Variants in IGSF21 observed in about 807,000 individuals in gnomAD.
IGSF21 encodes immunoglobin superfamily member 21.
Under a neutral mutation model 46.8 loss-of-function variants are expected in IGSF21, and 28 were observed. The ratio of observed to expected loss-of-function variants is 0.60; its 90% CI spans 0.44 to 0.82. IGSF21 has a LOEUF of 0.82. Among genes scored for constraint, IGSF21 ranks in the 40% least tolerant of loss-of-function variants. IGSF21 has a pLI of 0.00. For synonymous variants in IGSF21, 284 were observed against 273.6 expected, an observed-to-expected ratio of 1.04 and a Z score of -0.38; for missense variants, 624 against 665.5, an observed-to-expected ratio of 0.94 and a Z score of 0.69.
rs555508537 is a variant in IGSF21 at position 18,288,676 on chromosome 1, T to C, written c.184-3190T>C. ...ACCAGGAACCACAGAATAACATCCTTGCAAATAGCTGCTAGCCCGCTGGCC... is the reference window on the plus strand; with the variant it reads ...ACCAGGAACCACAGAATAACATCCTCGCAAATAGCTGCTAGCCCGCTGGCC... On this transcript the variant is annotated intron_variant, in intron 2 of 9. Transcript: ENST00000251296. Among the ~76,000 whole-genome samples, 3 of 152,268 alleles carry C rather than the reference T, an allele frequency of 2.0e-5. No homozygotes were observed. In the South Asian group the frequency reaches 6.2e-4, roughly 32 times the overall value.
At chr1:18,136,702 C>G (rs1289812405) in intron 1 of IGSF21, among the ~76,000 whole-genome samples, 1 of 151,892 alleles carries the variant, frequency 6.6e-6, no homozygotes, top group Non-Finnish European at 1.5e-5. Context: ...ATGCCTCCAG[C>G]TTTGTTCTTT....
At chr1:18,206,169 C>T (rs2084319695) in intron 1 of IGSF21, among the ~76,000 whole-genome samples, 1 of 152,174 alleles carries the variant, frequency 6.6e-6, no homozygotes, top group South Asian at 2.1e-4. Flanking sequence ...GCATTTGAGA[C>T]TGGGTAGTCA....
At chr1:18,134,253 T>A (rs547200468) in intron 1 of IGSF21, among the ~76,000 whole-genome samples, 3 of 152,134 alleles carry the variant, frequency 2.0e-5, no homozygotes, top group Non-Finnish European at 4.4e-5. Context: ...GCATTTTTGC[T>A]GTTTAGAGGT....
At chr1:18,359,291 A>AG (rs1328363951) in intron 4 of IGSF21, among the ~76,000 whole-genome samples, 3 of 149,724 alleles carry the variant, frequency 2.0e-5, no homozygotes, top group African/African-American at 7.4e-5. Context: ...AAACACAAAA[A>AG]AAAAAGAAAA....
At position 18,337,320 on chromosome 1, in the gene IGSF21, C is replaced by T. The variant is rs1012559144; in HGVS notation, c.424+2310C>T. Among the ~76,000 whole-genome samples, 3 of 152,120 alleles carry T rather than the reference C, an allele frequency of 2.0e-5. No homozygotes were observed. The highest frequency in any genetic ancestry group is 2.1e-4 in the South Asian group (1 of 4,830). On this transcript the variant is annotated intron_variant, in intron 4 of 9. Transcript: ENST00000251296. This position sits in a 1 kb window ranked among gnomAD's most constrained non-coding sequence, Gnocchi z 5.7. Reference sequence around the variant, plus strand: ...AAAACAGGGATAAGGATGCTTCCCTCCTAGGGTGGCTGTGAGGCTTAAAGT... The same window carrying T: ...AAAACAGGGATAAGGATGCTTCCCTTCTAGGGTGGCTGTGAGGCTTAAAGT...
At chr1:18,162,170 T>C (rs2086632408) in intron 1 of IGSF21, among the ~76,000 whole-genome samples, 1 of 152,084 alleles carries the variant, frequency 6.6e-6, no homozygotes, top group Non-Finnish European at 1.5e-5. Flanking sequence ...CTCAACCTCC[T>C]GAGTAGCTGG....
intron 1 of IGSF21, among the ~76,000 whole-genome samples, chr1:18,221,462 C>T (rs2084509586): frequency 6.6e-6 from 1 of 152,174 alleles, no homozygotes; most frequent in South Asian, 2.1e-4. Flanking sequence ...GCCCTCTGGA[C>T]ACATCCCCTT....
intron 2 of IGSF21, among the ~76,000 whole-genome samples, chr1:18,245,659 TC>T (rs2084776988): frequency 6.6e-6 from 1 of 152,224 alleles, no homozygotes; most frequent in Non-Finnish European, 1.5e-5. Context: ...TATTTTTAGA[TC>T]TATTGCATTT....
At chr1:18,296,505 G>C (rs1254078831) in intron 3 of IGSF21, among the ~76,000 whole-genome samples, 2 of 152,140 alleles carry the variant, frequency 1.3e-5, no homozygotes, top group African/African-American at 4.8e-5. Flanking sequence ...CACTCAGCAG[G>C]GTGGCTTGTT....
intron 3 of IGSF21, among the ~76,000 whole-genome samples, chr1:18,328,299 A>G (rs2085677657): frequency 6.6e-6 from 1 of 152,192 alleles, no homozygotes; most frequent in Non-Finnish European, 1.5e-5. Context: ...ATTAGCCTAC[A>G]CTCGGGCAAA....
intron 3 of IGSF21, among the ~76,000 whole-genome samples, chr1:18,295,567 G>T (rs2085304566): frequency 6.6e-6 from 1 of 152,226 alleles, no homozygotes; most frequent in African/African-American, 2.4e-5. Context: ...TGGGTGGTCA[G>T]GCAGGGCCAT....
At chr1:18,333,260 C>A (rs1327673054) in intron 3 of IGSF21, among the ~76,000 whole-genome samples, 1 of 152,146 alleles carries the variant, frequency 6.6e-6, no homozygotes, top group African/African-American at 2.4e-5. Flanking sequence ...TAAACAGAAC[C>A]CCAGTCCCTC....
At chr1:18,241,740 T>C (rs1438905429) in intron 2 of IGSF21, among the ~76,000 whole-genome samples, 1 of 152,168 alleles carries the variant, frequency 6.6e-6, no homozygotes, top group Non-Finnish European at 1.5e-5. Context: ...TCAGGTCAGG[T>C]GCTGCGCTAG....
chr1:18,292,325 G>T (rs1477472830), intron 3 of IGSF21, among the ~76,000 whole-genome samples: 1 of 152,258 alleles, frequency 6.6e-6, no homozygotes, highest in East Asian at 1.9e-4. Flanking sequence ...AGTCACACAG[G>T]CAACAATGAC....
intron 1 of IGSF21, among the ~76,000 whole-genome samples, chr1:18,143,961 C>T (rs1223551777): frequency 6.6e-6 from 1 of 152,076 alleles, no homozygotes; most frequent in Non-Finnish European, 1.5e-5. Flanking sequence ...TTGGGACCTC[C>T]CCAGGGCTGG....
intron 1 of IGSF21, among the ~76,000 whole-genome samples, chr1:18,211,203 T>C (rs1407072511): frequency 6.6e-6 from 1 of 152,182 alleles, no homozygotes; most frequent in African/African-American, 2.4e-5. Flanking sequence ...GCTGCTAGAG[T>C]GGAGATGTGA....
At chr1:18,210,956 C>T (rs2084385916) in intron 1 of IGSF21, among the ~76,000 whole-genome samples, 1 of 152,148 alleles carries the variant, frequency 6.6e-6, no homozygotes, top group African/African-American at 2.4e-5. Flanking sequence ...CAGCCTCCAC[C>T]TCCTATGTCC....
intron 2 of IGSF21, among the ~76,000 whole-genome samples, chr1:18,268,816 C>T (rs1157666772): frequency 1.3e-5 from 2 of 152,172 alleles, no homozygotes; most frequent in East Asian, 1.9e-4. Context: ...CAGGCTTATC[C>T]GGATGGAAGG....
chr1:18,137,933 G>C (rs1326232308), intron 1 of IGSF21, among the ~76,000 whole-genome samples: 1 of 152,118 alleles, frequency 6.6e-6, no homozygotes, highest in Non-Finnish European at 1.5e-5. Flanking sequence ...AGGTTATGTA[G>C]CTGACTCAAG....
Sources: allele counts gnomAD v4.1 joint callset (sites outside exome capture counted in the v4.1 genomes callset), GRCh38; gene constraint gnomAD v4.1.1; non-coding constraint Gnocchi (gnomAD v3.1); transcripts MANE v1.5; gene names NCBI Gene and HGNC (gene_info 2026-07-23, HGNC 2026-07-21).